The following FHIT variants were observed in gnomAD, a reference collection of about 807,000 sequenced individuals.
The protein encoded by FHIT is bis(5'-adenosyl)-triphosphatase.
Under a neutral mutation model 17.9 loss-of-function variants are expected in FHIT, and 19 were observed. That is an observed-to-expected ratio of 1.06 (90% CI 0.74 to 1.56). The LOEUF (loss-of-function observed/expected upper bound fraction) is 1.56, where lower values mean the gene tolerates loss of function less well. Among genes scored for constraint, FHIT ranks in the 40% most tolerant of loss-of-function variants. The pLI is 0.00. For synonymous variants in FHIT, 81 were observed against 69.7 expected (o/e 1.16, Z -0.81); for missense variants, 248 against 189.2 (o/e 1.31, Z -1.82).
intron 3 of FHIT, among the ~76,000 whole-genome samples, chr3:60,930,751 T>G (rs1307653237): frequency 1.3e-5 from 2 of 152,230 alleles, no homozygotes; most frequent in Non-Finnish European, 2.9e-5. Context: ...ATAGGAACAC[T>G]TTTACACTGT....
rs1033300825 is a variant in FHIT, at chr3:60,202,673, T to C, written c.104-188521A>G. 3.9e-5 allele frequency among the ~76,000 whole-genome samples: 6 copies of C among 152,170 alleles called. No individual in the cohort carries two copies. The East Asian group carries it at 9.6e-4, about 24-fold the overall frequency. ...TTCACAAATACTCATTATTTATTTA[T>C]CCTTAAGTAAGAGAAGGTCCCTACC... is the stretch of plus-strand genomic sequence containing the variant. On this transcript the variant is annotated intron_variant, in intron 5 of 9. Transcript: ENST00000492590.
At chr3:60,400,512 C>T (rs1238350487) in intron 5 of FHIT, among the ~76,000 whole-genome samples, 1 of 152,110 alleles carries the variant, frequency 6.6e-6, no homozygotes, top group Non-Finnish European at 1.5e-5. Context: ...GAAACACCAA[C>T]CTTGGGTTAG....
chr3:60,595,446 C>T (rs1215282402), intron 4 of FHIT, among the ~76,000 whole-genome samples: 1 of 150,616 alleles, frequency 6.6e-6, no homozygotes, highest in Non-Finnish European at 1.5e-5. Context: ...CATGGAGGAT[C>T]ACCAAGCATT....
At chr3:60,644,663 G>T (rs900667758) in intron 4 of FHIT, among the ~76,000 whole-genome samples, 2 of 152,146 alleles carry the variant, frequency 1.3e-5, no homozygotes, top group African/African-American at 4.8e-5. Context: ...AAAAACTACA[G>T]CAGGCCCACG....
chr3:60,682,298 C>T (rs1361780905), intron 4 of FHIT, among the ~76,000 whole-genome samples: 1 of 152,146 alleles, frequency 6.6e-6, no homozygotes. Flanking sequence ...AGAGATGAAA[C>T]AGCCCTCTGT....
At chr3:60,872,097 C>G (rs1286639671) in intron 3 of FHIT, among the ~76,000 whole-genome samples, 1 of 152,050 alleles carries the variant, frequency 6.6e-6, no homozygotes, top group African/African-American at 2.4e-5. Flanking sequence ...GTAGGAATTG[C>G]ATGTTTTGCC....
chr3:60,935,144 G>A (rs782189174), intron 3 of FHIT, among the ~76,000 whole-genome samples: 1 of 152,158 alleles, frequency 6.6e-6, no homozygotes, highest in Non-Finnish European at 1.5e-5. Flanking sequence ...ATCTTAATCT[G>A]AGTGTCAGAA....
At position 60,484,147 on chromosome 3, in the gene FHIT, A is replaced by G. The variant is rs550391743; in HGVS notation, c.103+52713T>C. On this transcript the variant is annotated intron_variant, in intron 5 of 9. Transcript: ENST00000492590. ...GATGTGAAGGACCTCTTCAAGGAGAACTACAAACCACTGCTCAAGGAAATA... is the reference window on the plus strand; with the variant it reads ...GATGTGAAGGACCTCTTCAAGGAGAGCTACAAACCACTGCTCAAGGAAATA... 5.3e-5 allele frequency among the ~76,000 whole-genome samples: 8 copies of G among 152,298 alleles called. No homozygotes were observed. The East Asian group carries it at 1.5e-3, about 29-fold the overall frequency.
intron 4 of FHIT, among the ~76,000 whole-genome samples, chr3:60,711,776 G>A (rs536831586): frequency 2.0e-5 from 3 of 152,326 alleles, no homozygotes; most frequent in African/African-American, 7.2e-5. Flanking sequence ...GGGACTATGT[G>A]AAAAGACCAA....
At chr3:60,915,102 G>A (rs9817302) in intron 3 of FHIT, among the ~76,000 whole-genome samples, 146,947 of 152,306 alleles carry the variant, frequency 0.96, 71,113 homozygotes, top group East Asian at 1. Flanking sequence ...ACAACAGAGA[G>A]TGAAATTTAC....
In FHIT at chr3:60,544,518, T is replaced by G. The variant is rs571268223; in HGVS notation, c.-17-7539A>C. Among the ~76,000 whole-genome samples, 4 of 152,214 alleles carry G rather than the reference T, an allele frequency of 2.6e-5. No homozygotes were observed. The East Asian group carries it at 5.8e-4, about 22-fold the overall frequency. ...AATTCAACTCCGTCACAAGGTATTA[T>G]TTTTTAATATACTGCTAGATTTGAA... On this transcript the variant is annotated intron_variant, in intron 4 of 9. Transcript: ENST00000492590.
intron 2 of FHIT, among the ~76,000 whole-genome samples, chr3:61,180,662 C>T (rs982487589): frequency 6.6e-6 from 1 of 152,148 alleles, no homozygotes; most frequent in African/African-American, 2.4e-5. Context: ...ACTGATGCTA[C>T]CTCAAAAAAT....
intron 3 of FHIT, among the ~76,000 whole-genome samples, chr3:60,893,912 C>T (rs368912779): frequency 2.0e-5 from 3 of 152,162 alleles, no homozygotes; most frequent in African/African-American, 7.2e-5. Flanking sequence ...AGGTAGAAAT[C>T]CCAGAAGGGT....
intron 5 of FHIT, among the ~76,000 whole-genome samples, chr3:60,213,577 C>T (rs1330757719): frequency 6.6e-6 from 1 of 152,176 alleles, no homozygotes; most frequent in African/African-American, 2.4e-5. Flanking sequence ...ACAGATTTTT[C>T]CCACTATCCT....
At chr3:60,887,790 G>A (rs1395393619) in intron 3 of FHIT, among the ~76,000 whole-genome samples, 1 of 152,162 alleles carries the variant, frequency 6.6e-6, no homozygotes, top group African/African-American at 2.4e-5. Context: ...TTTGGTGTGG[G>A]GGACAGGAGG....
chr3:59,894,136 T>G (rs1213493917), intron 8 of FHIT, among the ~76,000 whole-genome samples: 1 of 152,056 alleles, frequency 6.6e-6, no homozygotes, highest in African/African-American at 2.4e-5. Context: ...CCTAATTATT[T>G]GGGAGGCTGT....
intron 7 of FHIT, among the ~76,000 whole-genome samples, chr3:59,922,692 G>A (rs958388095): frequency 6.6e-6 from 1 of 152,170 alleles, no homozygotes; most frequent in Non-Finnish European, 1.5e-5. Flanking sequence ...GTCAGTCTTG[G>A]TTGTAGTTAG....
intron 7 of FHIT, among the ~76,000 whole-genome samples, chr3:60,009,165 ATGTGTGTGTGTGTG>A (rs753809976): frequency 2.8e-3 from 152 of 54,116 alleles, no homozygotes; most frequent in South Asian, 0.013. Flanking sequence ...CTGGGATTTT[ATGTGTGTGTGTGTG>A]TGTGTGTGTG....
chr3:60,644,183 G>A (rs2039796265), intron 4 of FHIT, among the ~76,000 whole-genome samples: 1 of 152,158 alleles, frequency 6.6e-6, no homozygotes, highest in Admixed American at 6.6e-5. Context: ...AGAATAGACA[G>A]GTACTACAAG....
Sources: allele counts gnomAD v4.1 joint callset (sites outside exome capture counted in the v4.1 genomes callset), GRCh38; gene constraint gnomAD v4.1.1; transcripts MANE v1.5; gene names NCBI Gene and HGNC (gene_info 2026-07-23, HGNC 2026-07-21).